Variants in TNFAIP8 observed in about 807,000 individuals in gnomAD.
TNFAIP8 encodes the protein TNF alpha induced protein 8, also known as tumor necrosis factor alpha-induced protein 8.
In TNFAIP8, 7 loss-of-function variants were observed where a neutral mutation model predicts 13.3. That is an observed-to-expected ratio of 0.52 (90% CI 0.30 to 0.99). The LOEUF is 0.99. Among genes scored for constraint, TNFAIP8 ranks in the 50% least tolerant of loss-of-function variants. The pLI, the probability that TNFAIP8 is intolerant of heterozygous loss-of-function variation, is 0.07. For synonymous variants in TNFAIP8, 94 were observed against 87.6 expected, an observed-to-expected ratio of 1.07 and a Z score of -0.41; for missense variants, 258 against 236.9, an observed-to-expected ratio of 1.09 and a Z score of -0.58.
At chr5:119,290,502 A>ATAAG (rs1303689411) in intron 1 of TNFAIP8, among the ~76,000 whole-genome samples, 1 of 152,192 alleles carries the variant, frequency 6.6e-6, no homozygotes, top group Non-Finnish European at 1.5e-5. Context: ...GACTCTTCTT[A>ATAAG]GAGTGAGTGA....
intron 1 of TNFAIP8, among the ~76,000 whole-genome samples, chr5:119,314,189 AC>A (rs1749815467): frequency 2.6e-5 from 4 of 151,914 alleles, no homozygotes; most frequent in Non-Finnish European, 5.9e-5. Flanking sequence ...AAACAAACAA[AC>A]AAACAAACAA....
In TNFAIP8 at chr5:119,279,138, A is replaced by T. The variant is rs529262176; in HGVS notation, c.1+10231A>T. Reference sequence around the variant, plus strand: ...TCATCTTCAGGAGGAATCTATGAGAAAGATACTATTGTTAAGCCTTGTTTG... The same window carrying T: ...TCATCTTCAGGAGGAATCTATGAGATAGATACTATTGTTAAGCCTTGTTTG... On this transcript the variant is annotated intron_variant, in intron 1 of 1. Transcript: ENST00000274456. 3.3e-5 allele frequency among the ~76,000 whole-genome samples: 5 copies of T among 152,332 alleles called. No homozygotes were observed. In the South Asian group the frequency reaches 1.0e-3, roughly 32 times the overall value.
intron 1 of TNFAIP8, among the ~76,000 whole-genome samples, chr5:119,340,340 A>C (rs1041414434): frequency 2.6e-5 from 4 of 152,214 alleles, no homozygotes; most frequent in African/African-American, 4.8e-5. Context: ...TAGACTGCCC[A>C]TGTGGGTCAC....
chr5:119,381,366 C>A (rs1156624407), intron 1 of TNFAIP8, among the ~76,000 whole-genome samples: 1 of 152,012 alleles, frequency 6.6e-6, no homozygotes, highest in Non-Finnish European at 1.5e-5. Context: ...CATGTTGAAA[C>A]CCTGTCTCTA....
chr5:119,339,458 T>G (rs927162315), intron 1 of TNFAIP8, among the ~76,000 whole-genome samples: 1 of 91,364 alleles, frequency 1.1e-5, no homozygotes, highest in Non-Finnish European at 2.1e-5. Context: ...TCTTGTGGTG[T>G]TTTTTTTTTT....
At chr5:119,333,439 A>G (rs1244687536) in intron 1 of TNFAIP8, 1 of 1,392,466 alleles carries the variant, frequency 7.2e-7, no homozygotes, top group Non-Finnish European at 9.3e-7. Context: ...CTTATGGTAG[A>G]TTTTTCAAAA....
At chr5:119,271,016 ATT>A (rs1561976424) in intron 1 of TNFAIP8, among the ~76,000 whole-genome samples, 2 of 152,096 alleles carry the variant, frequency 1.3e-5, no homozygotes, top group African/African-American at 4.8e-5. Context: ...TTGTCTCTTA[ATT>A]TTCTATTTCA....
intron 1 of TNFAIP8, among the ~76,000 whole-genome samples, chr5:119,320,616 C>G (rs1007870767): frequency 1.3e-5 from 2 of 152,146 alleles, no homozygotes; most frequent in African/African-American, 2.4e-5. Flanking sequence ...TGTTCTAGTC[C>G]TCATCTTTTT....
intron 1 of TNFAIP8, among the ~76,000 whole-genome samples, chr5:119,373,099 A>G (rs768866119): frequency 8.5e-5 from 13 of 152,190 alleles, no homozygotes; most frequent in Non-Finnish European, 1.6e-4. Flanking sequence ...ACCTGAAGTC[A>G]TTACAGAAGA....
intron 1 of TNFAIP8, among the ~76,000 whole-genome samples, chr5:119,331,138 A>G (rs767084382): frequency 3.9e-5 from 6 of 152,120 alleles, no homozygotes; most frequent in Admixed American, 1.3e-4. Context: ...AATCATCACA[A>G]TGTTGATCCC....
At chr5:119,276,113 G>GTT (rs771746591) in intron 1 of TNFAIP8, among the ~76,000 whole-genome samples, 13 of 143,972 alleles carry the variant, frequency 9.0e-5, no homozygotes, top group East Asian at 2.0e-4. Flanking sequence ...GTTAAGTTCT[G>GTT]TTTTTTTTTT....
chr5:119,269,934 C>T (rs1748227796), intron 1 of TNFAIP8, among the ~76,000 whole-genome samples: 1 of 152,170 alleles, frequency 6.6e-6, no homozygotes, highest in Non-Finnish European at 1.5e-5. Context: ...TGCCTGGTTG[C>T]TGGGGTCCTA....
rs550387590 is a variant in TNFAIP8 at position 119,315,307 on chromosome 5, C to T, written c.1+46400C>T. On this transcript the variant is annotated intron_variant, in intron 1 of 1. Transcript: ENST00000274456. ...CCATGTTGGCCAGGCTGGTCTTGAA[C>T]CCCTGACCTCAAATGATCCACCTAT... Among the ~76,000 whole-genome samples the T allele has an allele frequency of 6.2e-4, 94 of 152,288 alleles. 1 individual carries two copies. Among genetic ancestry groups the T allele is most frequent in the African/African-American group, 2.2e-3 (92 of 41,562 alleles).
At chr5:119,297,681 G>C (rs1042370074) in intron 1 of TNFAIP8, among the ~76,000 whole-genome samples, 1 of 152,084 alleles carries the variant, frequency 6.6e-6, no homozygotes, top group Non-Finnish European at 1.5e-5. Flanking sequence ...CTGTCTTGTT[G>C]ATCTGTCTAA....
intron 1 of TNFAIP8, among the ~76,000 whole-genome samples, chr5:119,363,965 G>C (rs1751732186): frequency 6.6e-6 from 1 of 152,206 alleles, no homozygotes; most frequent in Non-Finnish European, 1.5e-5. Context: ...TCTAAAGGAT[G>C]CAACTCAGGA....
chr5:119,299,204 T>C (rs1358954641), intron 1 of TNFAIP8, among the ~76,000 whole-genome samples: 1 of 152,180 alleles, frequency 6.6e-6, no homozygotes, highest in Non-Finnish European at 1.5e-5. Flanking sequence ...AGTTTCCAGT[T>C]TTTCTGCTCT....
chr5:119,372,115 C>T (rs965633049), intron 1 of TNFAIP8, among the ~76,000 whole-genome samples: 11 of 149,158 alleles, frequency 7.4e-5, no homozygotes, highest in African/African-American at 2.5e-4. Context: ...CCAGCCTGGG[C>T]GACAGAGCAA....
chr5:119,353,583 C>G (rs1345808679), upstream of TNFAIP8, among the ~76,000 whole-genome samples: 3 of 152,320 alleles, frequency 2.0e-5, no homozygotes, highest in African/African-American at 7.2e-5. Context: ...AGTTTCTCTC[C>G]AGGCTTCCTG....
chr5:119,325,684 G>A (rs1005580092), intron 1 of TNFAIP8, among the ~76,000 whole-genome samples: 3 of 152,082 alleles, frequency 2.0e-5, no homozygotes, highest in African/African-American at 4.8e-5. Context: ...TCCTGACCTC[G>A]TGATCCGCCG....
Sources: gnomAD v4.1 joint callset for allele counts (sites outside exome capture counted in the v4.1 genomes callset) on GRCh38, gnomAD v4.1.1 for gene constraint, MANE v1.5 for transcripts, NCBI Gene and HGNC (gene_info 2026-07-23, HGNC 2026-07-21) for gene names.